PON1: variants seen among roughly 807,000 people sequenced by gnomAD.
PON1 encodes serum paraoxonase/arylesterase 1.
Under a neutral mutation model 39.2 loss-of-function variants are expected in PON1, and 37 were observed. That is an observed-to-expected ratio of 0.94 (90% confidence interval 0.73 to 1.24). PON1 has a LOEUF of 1.24. PON1 is among the 50% of genes most tolerant of loss of function. The pLI is 0.00. For missense variants in PON1, 397 were observed against 413.5 expected (o/e 0.96, Z 0.35); for synonymous variants, 148 against 152.2 (o/e 0.97, Z 0.21).
rs1750825713 is a variant in PON1, at chr7:95,299,836, G to A, written c.910-734C>T. Among the ~76,000 whole-genome samples, 7 of 152,022 alleles carry A rather than the reference G, an allele frequency of 4.6e-5. No homozygotes were observed. In the South Asian group the frequency reaches 1.5e-3, roughly 32 times the overall value. ...CATATATATATATCCTATTAGTTCT[G>A]TCCCTCTAGGGAACCTTGACTAATA... On this transcript the variant is annotated intron_variant, in intron 8 of 8. Transcript: ENST00000222381.
chr7:95,298,012 T>TTTA lies in PON1; in HGVS notation c.*929_*931dup, dbSNP rs1166650517. 1.3e-5 allele frequency: 2 copies of TTTA among 150,720 alleles called. No homozygotes were observed. The highest frequency in any genetic ancestry group is 2.9e-5 in the Non-Finnish European group (2 of 67,858). The allele number at this position is 150,720 out of a possible 1,614,324, so 9.3% of individuals were successfully genotyped here. On this transcript the variant is annotated 3_prime_UTR_variant, in exon 9 of 9. Transcript: ENST00000222381. ...CCAAAGGGGTTGTTGATCTTTTCTATTTATTTGTTTGTTTACCTTTCTATT... is the reference window on the plus strand; with the variant it reads ...CCAAAGGGGTTGTTGATCTTTTCTATTTATTATTTGTTTGTTTACCTTTCTATT...
chr7:95,318,575 A>G, intron 1 of PON1, 182 bp from the exon 2 acceptor site: 2 of 579,532 alleles, frequency 3.5e-6, no homozygotes, highest in Non-Finnish European at 6.2e-6. Context: ...TCTGGGTACA[A>G]TATTTAGTTT....
At chr7:95,299,533 G>T (rs887011111) in intron 8 of PON1, among the ~76,000 whole-genome samples, 4 of 152,130 alleles carry the variant, frequency 2.6e-5, no homozygotes, top group Admixed American at 6.5e-5. Flanking sequence ...ATTTGAGTCA[G>T]TGGGCTGCAA....
intron 1 of PON1, among the ~76,000 whole-genome samples, chr7:95,319,737 A>G (rs1807854283): frequency 6.6e-6 from 1 of 152,206 alleles, no homozygotes; most frequent in Admixed American, 6.5e-5. Flanking sequence ...GACAATAAGG[A>G]AATAAAAGGG....
At chr7:95,301,851 G>A (rs920788300) in intron 8 of PON1, among the ~76,000 whole-genome samples, 3 of 151,494 alleles carry the variant, frequency 2.0e-5, no homozygotes, top group Admixed American at 2.0e-4. Context: ...ACTTTGGGAG[G>A]CCGAGGCGGG....
rs1312962331 is a variant in PON1 at position 95,298,798 on chromosome 7, C to G, written c.*146G>C. ...AAAAAGCCCTACACATCATATCACT[C>G]CCAGTTAAACAGTGCTTTGATGCTT... On this transcript the variant is annotated 3_prime_UTR_variant, in exon 9 of 9. Coordinates refer to ENST00000222381, the MANE Select transcript of PON1 (RefSeq NM_000446.7). The G allele has an allele frequency of 2.1e-6, 2 of 969,570 alleles. No individual in the cohort carries two copies. Among genetic ancestry groups the G allele is most frequent in the African/African-American group, 3.2e-5 (2 of 62,264 alleles). The allele number at this position is 969,570 out of a possible 1,614,324, so 60.1% of individuals were successfully genotyped here.
intron 4 of PON1, 77 bp from the exon 5 acceptor site, chr7:95,311,654 A>C: frequency 1.4e-6 from 2 of 1,476,766 alleles, no homozygotes; most frequent in South Asian, 1.1e-5. Flanking sequence ...AACCAATTTC[A>C]ACCCACCTCC....
intron 7 of PON1, among the ~76,000 whole-genome samples, chr7:95,303,532 GA>G: frequency 6.6e-6 from 1 of 152,260 alleles, no homozygotes; most frequent in South Asian, 2.1e-4. Context: ...GTGGGAGTGG[GA>G]GAAGGACACA....
intron 1 of PON1, among the ~76,000 whole-genome samples, chr7:95,320,868 C>T (rs569289557): frequency 2.2e-4 from 34 of 152,312 alleles, no homozygotes; most frequent in Admixed American, 5.9e-4. Context: ...CTGAACTCTG[C>T]GCAGAAACCA....
At chr7:95,313,215 A>C (rs1276831931) in intron 4 of PON1, among the ~76,000 whole-genome samples, 1 of 152,256 alleles carries the variant, frequency 6.6e-6, no homozygotes, top group Non-Finnish European at 1.5e-5. Context: ...CATTTTGTGC[A>C]GTGGATTCTA....
At chr7:95,308,975 C>G in intron 5 of PON1, among the ~76,000 whole-genome samples, 1 of 151,648 alleles carries the variant, frequency 6.6e-6, no homozygotes, top group East Asian at 1.9e-4. Context: ...GTGAGTCATT[C>G]TTTGCTGATT....
At chr7:95,301,126 G>C (rs1422745527) in intron 8 of PON1, among the ~76,000 whole-genome samples, 2 of 152,012 alleles carry the variant, frequency 1.3e-5, no homozygotes, top group Non-Finnish European at 2.9e-5. Context: ...TATGATGTAA[G>C]TAATAAGTAT....
In PON1 at chr7:95,302,207, C is replaced by G; in HGVS notation, c.907G>C (p.Glu303Gln). The change falls in exon 8 of 9, where the codon GAG (glutamate) becomes CAG (glutamine). Residue 303 changes from glutamate (E) to glutamine (Q), a missense_variant and splice_region_variant. Transcript: ENST00000222381. ...FYDSENPPAS[E>Q]VLRIQNILTE... ...TCTGGTTCATTTTTAAAACTTACCT[C>G]TGATGCAGGAGGATTCTCTGAGTCA... 2 of 1,587,440 alleles carry G rather than the reference C, an allele frequency of 1.3e-6. No individual in the cohort carries two copies. Among genetic ancestry groups the G allele is most frequent in the African/African-American group, 1.4e-5 (1 of 73,680 alleles).
intron 1 of PON1, among the ~76,000 whole-genome samples, chr7:95,321,578 T>C (rs770027302): frequency 2.0e-5 from 3 of 152,212 alleles, no homozygotes; most frequent in Non-Finnish European, 2.9e-5. Context: ...ATATTTACCC[T>C]GTTTTGTAGG....
At chr7:95,318,500 G>A in intron 1 of PON1, 107 bp from the exon 2 acceptor site, 5 of 1,003,924 alleles carry the variant, frequency 5.0e-6, no homozygotes, top group South Asian at 1.3e-5. Context: ...CTTTGCCTGA[G>A]TTTCAACTCC....
chr7:95,299,123 G>A (rs1481215004), intron 8 of PON1, 21 bp from the exon 9 acceptor site: 1 of 1,612,030 alleles, frequency 6.2e-7, no homozygotes, highest in African/African-American at 1.3e-5. Flanking sequence ...AATAACATTG[G>A]GTTAATATTT....
At position 95,316,726 on chromosome 7, in the gene PON1, A is replaced by G; in HGVS notation, c.201+8T>C. 1 of 1,611,604 alleles carries G rather than the reference A, an allele frequency of 6.2e-7. No individual in the cohort carries two copies. The highest frequency in any genetic ancestry group is 8.5e-7 in the Non-Finnish European group (1 of 1,177,720). Reference sequence around the variant, plus strand: ...CTAGAACACAGAAAAGTGAAAGAAAACACTCACAGAGCTAATGAAAGCCAG... The same window carrying G: ...CTAGAACACAGAAAAGTGAAAGAAAGCACTCACAGAGCTAATGAAAGCCAG... On this transcript the variant is annotated splice_region_variant and intron_variant, in intron 3 of 8. Coordinates refer to ENST00000222381, the MANE Select transcript of PON1 (RefSeq NM_000446.7).
chr7:95,301,681 A>C (rs1563594034), intron 8 of PON1, among the ~76,000 whole-genome samples: 1 of 152,062 alleles, frequency 6.6e-6, no homozygotes, highest in African/African-American at 2.4e-5. Context: ...CAAATTATCC[A>C]ATTTAAGTGT....
At chr7:95,312,668 G>A (rs1034588906) in intron 4 of PON1, among the ~76,000 whole-genome samples, 2 of 152,250 alleles carry the variant, frequency 1.3e-5, no homozygotes, top group Admixed American at 6.5e-5. Context: ...TAGGGAAAGA[G>A]CATTCCAGGT....
Sources: allele counts gnomAD v4.1 joint callset (sites outside exome capture counted in the v4.1 genomes callset), GRCh38; gene constraint gnomAD v4.1.1; transcripts MANE v1.5; gene names NCBI Gene and HGNC (gene_info 2026-07-23, HGNC 2026-07-21).